The following TMEM35A variants were observed in gnomAD, a reference collection of about 807,000 sequenced individuals.
TMEM35A encodes nicotinic acetylcholine receptor chaperone.
For synonymous variants in TMEM35A, 50 were observed against 54.7 expected, an observed-to-expected ratio of 0.91 and a Z score of 0.38; for missense variants, 83 against 132.7, an observed-to-expected ratio of 0.63 and a Z score of 1.84.
In TMEM35A at chrX:101,094,920, T is replaced by C; in HGVS notation, c.468T>C (p.Tyr156=). The C allele has an allele frequency of 2.5e-6, 3 of 1,201,623 alleles. No homozygotes were observed. The highest frequency in any genetic ancestry group is 3.4e-6 in the Non-Finnish European group (3 of 892,741). The change falls in exon 2 of 2, where the codon TAT becomes TAC. Residue 156 remains tyrosine (Y), a synonymous_variant. Transcript: ENST00000372930. ...PGNAEEQPSL[Y]EKAPQGKVKV... ...ATGCTGAGGAGCAACCCTCCTTATATGAGAAGGCCCCTCAGGGCAAAGTGA... is the reference window on the plus strand; with the variant it reads ...ATGCTGAGGAGCAACCCTCCTTATACGAGAAGGCCCCTCAGGGCAAAGTGA...
intron 1 of TMEM35A, among the ~76,000 whole-genome samples, chrX:101,086,421 T>G (rs1406459172): frequency 2.7e-5 from 3 of 112,238 alleles, no homozygotes; most frequent in Non-Finnish European, 5.6e-5. Flanking sequence ...GCACCCGGCC[T>G]AATTGTGTGG....
rs1038238582 is a variant in TMEM35A at position 101,095,322 on chromosome X, C to T, written c.*366C>T. ...GTGTGTGTGTGTGTGCGCGCGCGCG[C>T]GCACGCGCACACACTCACGCACACA... On this transcript the variant is annotated 3_prime_UTR_variant, in exon 2 of 2. Coordinates refer to ENST00000372930, the MANE Select transcript of TMEM35A (RefSeq NM_021637.3). 1.4e-4 allele frequency: 17 copies of T among 123,334 alleles called. No homozygotes were observed. The highest frequency in any genetic ancestry group is 4.8e-4 in the East Asian group (2 of 4,201). The allele number at this position is 123,334 out of a possible 1,213,427, so 10.2% of individuals were successfully genotyped here.
rs766192628 is a variant in TMEM35A at position 101,094,577 on chromosome X, G to A, written c.125G>A (p.Arg42His). ...LSKDAYSEMKRAYKSYVRALP... is the reference protein window; with the variant it reads ...LSKDAYSEMKHAYKSYVRALP... ...CTTACAATATTCTCACTCTAGAAAC[G>A]TGCTTACAAGAGCTATGTTCGAGCC... Residue 42 changes from arginine (R) to histidine (H), a missense_variant, in exon 2 of 2, where the codon CGT (arginine) becomes CAT (histidine). Coordinates refer to ENST00000372930, the MANE Select transcript of TMEM35A (RefSeq NM_021637.3). 1 of 1,198,096 alleles carries A rather than the reference G, an allele frequency of 8.3e-7. No individual in the cohort carries two copies. The highest frequency in any genetic ancestry group is 1.8e-5 in the South Asian group (1 of 54,657).
At position 101,094,845 on chromosome X, in the gene TMEM35A, T is replaced by G. The variant is rs2089334151; in HGVS notation, c.393T>G (p.Ile131Met). Residue 131 changes from isoleucine to methionine, a missense_variant, in exon 2 of 2, where the codon ATT (isoleucine) becomes ATG (methionine). Physicochemically the swap from Ile to Met is conservative, Grantham distance 10 (BLOSUM62 1). Coordinates refer to ENST00000372930, the MANE Select transcript of TMEM35A (RefSeq NM_021637.3). Reference sequence around the variant, plus strand: ...TCCTGCTCACTTGCCGCCTGCTGATTGCTCGCAAGCCCGAAGACCGGTCTT... The same window carrying G: ...TCCTGCTCACTTGCCGCCTGCTGATGGCTCGCAAGCCCGAAGACCGGTCTT... The part of the protein sequence containing the change: ...FGILLTCRLL[I>M]ARKPEDRSSE... The G allele has an allele frequency of 5.0e-6, 6 of 1,210,842 alleles. No homozygotes were observed. The highest frequency in any genetic ancestry group is 6.7e-6 in the Non-Finnish European group (6 of 895,551).
intron 1 of TMEM35A, among the ~76,000 whole-genome samples, chrX:101,084,867 AAAAC>A (rs762696280): frequency 1.4e-4 from 15 of 110,728 alleles, no homozygotes; most frequent in South Asian, 3.8e-4. Flanking sequence ...TCCATCTCAA[AAAAC>A]AAACAAACAA....
intron 1 of TMEM35A, among the ~76,000 whole-genome samples, chrX:101,091,298 CTCTCT>C (rs1368315494): frequency 3.5e-5 from 3 of 86,199 alleles, no homozygotes; most frequent in Non-Finnish European, 6.7e-5. Context: ...TTTTCTCTCT[CTCTCT>C]TTTTTTTTTT....
At chrX:101,091,240 G>T (rs2089323269) in intron 1 of TMEM35A, among the ~76,000 whole-genome samples, 1 of 109,297 alleles carries the variant, frequency 9.1e-6, no homozygotes, top group African/African-American at 3.3e-5. Context: ...TTGTTTCCAG[G>T]CATACTTCCC....
intron 1 of TMEM35A, among the ~76,000 whole-genome samples, chrX:101,079,723 C>A (rs1308804596): frequency 1.8e-5 from 2 of 111,571 alleles, no homozygotes; most frequent in Non-Finnish European, 3.8e-5. Context: ...TTGTTTCTTC[C>A]CCTTCTCTCA....
chrX:101,086,927 T>C (rs1276849840), intron 1 of TMEM35A, among the ~76,000 whole-genome samples: 1 of 107,453 alleles, frequency 9.3e-6, no homozygotes, highest in Non-Finnish European at 1.9e-5. Context: ...CCAAGCATAA[T>C]GAGGGGGTTA....
At chrX:101,087,105 C>T (rs1372688906) in intron 1 of TMEM35A, among the ~76,000 whole-genome samples, 1 of 109,999 alleles carries the variant, frequency 9.1e-6, no homozygotes, top group Non-Finnish European at 1.9e-5. Context: ...TACAGGCATG[C>T]GCCACTACAC....
At chrX:101,083,123 C>T (rs1434080038) in intron 1 of TMEM35A, among the ~76,000 whole-genome samples, 2 of 111,716 alleles carry the variant, frequency 1.8e-5, no homozygotes, top group African/African-American at 3.3e-5. Context: ...TGTCCCATAC[C>T]TCCTCCAGAT....
rs2089335678 is a variant in TMEM35A at position 101,095,192 on chromosome X, A to G, written c.*236A>G. The G allele has an allele frequency of 2.6e-6, 1 of 379,558 alleles. No homozygotes were observed. The highest frequency in any genetic ancestry group is 2.5e-5 in the African/African-American group (1 of 39,890). The allele number at this position is 379,558 out of a possible 1,213,427, so 31.3% of individuals were successfully genotyped here. ...GCAACTCTCACATCTTGCTGCATGT[A>G]CATGTATACGGCTACTATTGAAGTG... On this transcript the variant is annotated 3_prime_UTR_variant, in exon 2 of 2. Coordinates refer to ENST00000372930, the MANE Select transcript of TMEM35A (RefSeq NM_021637.3).
At chrX:101,080,323 G>T (rs2089288433) in intron 1 of TMEM35A, among the ~76,000 whole-genome samples, 2 of 111,793 alleles carry the variant, frequency 1.8e-5, no homozygotes, top group Non-Finnish European at 3.8e-5. Flanking sequence ...AGCTGCAAAT[G>T]GATGGAGACT....
At chrX:101,081,238 A>G (rs139684282) in intron 1 of TMEM35A, among the ~76,000 whole-genome samples, 1 of 112,276 alleles carries the variant, frequency 8.9e-6, no homozygotes, top group Non-Finnish European at 1.9e-5. Context: ...AGACGTCACA[A>G]TAGTTTGAAG....
At chrX:101,082,133 C>CTTTT in intron 1 of TMEM35A, among the ~76,000 whole-genome samples, 44 of 20,409 alleles carry the variant, frequency 2.2e-3, no homozygotes, top group Non-Finnish European at 3.1e-3. Flanking sequence ...TTCTTTCTTT[C>CTTTT]TTTTTTTTTT....
In TMEM35A at chrX:101,094,761, C is replaced by T. The variant is rs1247543448; in HGVS notation, c.309C>T (p.Phe103=). Residue 103 remains phenylalanine (F), a synonymous_variant, in exon 2 of 2, where the codon TTC becomes TTT. Transcript: ENST00000372930. ...TGTTGCTGGTGTTGGCTGTGCTCTT[C>T]TTCCACCAGCTGGTCGGTGATCCTC... is the stretch of plus-strand genomic sequence containing the variant. ...FLLLLVLAVL[F]FHQLVGDPLK... 1 of 1,209,419 alleles carries T rather than the reference C, an allele frequency of 8.3e-7. No homozygotes were observed. The highest frequency in any genetic ancestry group is 1.1e-6 in the Non-Finnish European group (1 of 895,212).
At chrX:101,087,247 C>T (rs183839376) in intron 1 of TMEM35A, among the ~76,000 whole-genome samples, 398 of 112,168 alleles carry the variant, frequency 3.5e-3, no homozygotes, top group African/African-American at 0.012. Context: ...TGAGCCACTG[C>T]GCCCGGCCAA....
At chrX:101,088,007 A>G (rs1218270391) in intron 1 of TMEM35A, among the ~76,000 whole-genome samples, 9 of 109,446 alleles carry the variant, frequency 8.2e-5, no homozygotes, top group African/African-American at 2.7e-4. Context: ...GTGAGACTCC[A>G]TCTCAAAATA....
chrX:101,090,327 ATTTTTTT>A (rs1199957258), intron 1 of TMEM35A, among the ~76,000 whole-genome samples: 11 of 66,208 alleles, frequency 1.7e-4, no homozygotes, highest in Admixed American at 3.2e-4. Flanking sequence ...TAATTTTTGT[ATTTTTTT>A]TTTTTTTTTT....
Sources: allele counts gnomAD v4.1 joint callset (sites outside exome capture counted in the v4.1 genomes callset), GRCh38; gene constraint gnomAD v4.1.1; transcripts MANE v1.5; gene names NCBI Gene and HGNC (gene_info 2026-07-23, HGNC 2026-07-21).